The following AGTR1 variants were observed in gnomAD, a reference collection of about 807,000 sequenced individuals.
AGTR1 encodes type-1 angiotensin II receptor.
Under a neutral mutation model 19.4 loss-of-function variants are expected in AGTR1, and 16 were observed. The observed-to-expected ratio is 0.82, with a 90% CI of 0.56 to 1.25. The LOEUF (loss-of-function observed/expected upper bound fraction) is 1.25, where lower values mean the gene tolerates loss of function less well. AGTR1 is among the 50% of genes most tolerant of loss of function. AGTR1 has a pLI of 0.00. For missense variants in AGTR1, 373 were observed against 431.9 expected (o/e 0.86, Z 1.21); for synonymous variants, 153 against 154.9 (o/e 0.99, Z 0.09).
intron 2 of AGTR1, among the ~76,000 whole-genome samples, chr3:148,722,691 A>G (rs560002013): frequency 1.3e-5 from 2 of 152,324 alleles, no homozygotes; most frequent in South Asian, 2.1e-4. Flanking sequence ...ATCCGCAGTC[A>G]TCAACATGGC....
chr3:148,714,074 T>A (rs188068395), intron 2 of AGTR1, among the ~76,000 whole-genome samples: 33 of 152,342 alleles, frequency 2.2e-4, no homozygotes, highest in Admixed American at 1.6e-3. Flanking sequence ...AAGAGGATAT[T>A]AAACACTAGG....
chr3:148,718,272 T>G (rs990719941), intron 2 of AGTR1, among the ~76,000 whole-genome samples: 5 of 152,250 alleles, frequency 3.3e-5, no homozygotes, highest in African/African-American at 7.2e-5. Flanking sequence ...CAATACTCAG[T>G]AAATTACAGC....
chr3:148,710,694 A>C (rs1210345136), intron 2 of AGTR1, among the ~76,000 whole-genome samples: 1 of 152,140 alleles, frequency 6.6e-6, no homozygotes, highest in Non-Finnish European at 1.5e-5. Flanking sequence ...TACATATTAG[A>C]AGCCTTTATT....
Position 148,742,667 on chromosome 3 carries a change from G to T in AGTR1, c.*552G>T. 1 of 214,460 alleles carries T rather than the reference G, an allele frequency of 4.7e-6. No individual in the cohort carries two copies. The highest frequency in any genetic ancestry group is 1.0e-5 in the Non-Finnish European group (1 of 96,934). 13.3% of individuals were successfully genotyped at this position (214,460 alleles called of 1,614,324 possible). ...GATCTTTTTGTGAAATTCAACCTGTGTCTTATAGGTTTCCACTGCCAAAAC... is the reference window on the plus strand; with the variant it reads ...GATCTTTTTGTGAAATTCAACCTGTTTCTTATAGGTTTCCACTGCCAAAAC... On this transcript the variant is annotated 3_prime_UTR_variant, in exon 3 of 3. Transcript: ENST00000349243.
intron 2 of AGTR1, among the ~76,000 whole-genome samples, chr3:148,712,225 T>TA (rs1713027215): frequency 6.6e-6 from 1 of 152,146 alleles, no homozygotes; most frequent in Non-Finnish European, 1.5e-5. Context: ...AGTCATTTTT[T>TA]AAATCCCAGA....
At chr3:148,699,347 G>A (rs1375015720) in intron 1 of AGTR1, among the ~76,000 whole-genome samples, 1 of 152,118 alleles carries the variant, frequency 6.6e-6, no homozygotes, top group Non-Finnish European at 1.5e-5. Flanking sequence ...CATAGCATAT[G>A]CTTTAACCCC....
intron 2 of AGTR1, among the ~76,000 whole-genome samples, chr3:148,726,182 T>C (rs1713920484): frequency 6.6e-6 from 1 of 151,654 alleles, no homozygotes; most frequent in Non-Finnish European, 1.5e-5. Flanking sequence ...TCTAAGTTTC[T>C]TTTTTCCCTT....
intron 1 of AGTR1, among the ~76,000 whole-genome samples, chr3:148,701,414 T>C (rs909239349): frequency 6.6e-6 from 1 of 152,224 alleles, no homozygotes; most frequent in Non-Finnish European, 1.5e-5. Flanking sequence ...CTTTCTTGCA[T>C]ATGAAAATCA....
intron 2 of AGTR1, among the ~76,000 whole-genome samples, chr3:148,738,069 T>C (rs1714668768): frequency 6.6e-6 from 1 of 152,186 alleles, no homozygotes; most frequent in Non-Finnish European, 1.5e-5. Context: ...TAGTTATAGT[T>C]TGAGACTAGT....
intron 2 of AGTR1, among the ~76,000 whole-genome samples, chr3:148,737,475 G>C (rs1367361025): frequency 6.6e-6 from 1 of 151,686 alleles, no homozygotes; most frequent in African/African-American, 2.4e-5. Context: ...CTGATATGAT[G>C]TAACATTCGA....
chr3:148,736,719 A>G (rs996978737), intron 2 of AGTR1, among the ~76,000 whole-genome samples: 2 of 152,224 alleles, frequency 1.3e-5, no homozygotes, highest in African/African-American at 4.8e-5. Context: ...GGAGGATTCC[A>G]TTTCAAGTCT....
intron 2 of AGTR1, among the ~76,000 whole-genome samples, chr3:148,719,932 A>G (rs1713531714): frequency 6.6e-6 from 1 of 152,230 alleles, no homozygotes; most frequent in African/African-American, 2.4e-5. Flanking sequence ...AACTTCTGTT[A>G]AATTTTTAAT....
intron 1 of AGTR1, among the ~76,000 whole-genome samples, chr3:148,706,019 AT>A (rs1003792596): frequency 2.0e-5 from 3 of 151,640 alleles, no homozygotes; most frequent in East Asian, 1.9e-4. Flanking sequence ...TTTGAGGATG[AT>A]TTTTTTTCTT....
intron 2 of AGTR1, among the ~76,000 whole-genome samples, chr3:148,723,905 A>G (rs1713785448): frequency 6.6e-6 from 1 of 152,192 alleles, no homozygotes; most frequent in Admixed American, 6.5e-5. Context: ...CATTGGAATG[A>G]GGGTCTGCAA....
chr3:148,717,129 C>CA (rs3841928), intron 2 of AGTR1, among the ~76,000 whole-genome samples: 45,962 of 151,970 alleles, frequency 0.3, 10,664 homozygotes, highest in African/African-American at 0.65. Context: ...CTATTGCTCA[C>CA]ACACTTAGAC....
chr3:148,698,624 T>C (rs982037028), intron 1 of AGTR1, among the ~76,000 whole-genome samples: 1 of 152,102 alleles, frequency 6.6e-6, no homozygotes, highest in Admixed American at 6.6e-5. Context: ...CCTTTAGCTC[T>C]CTCCCTGCAA....
At chr3:148,715,448 G>GTT (rs1713245592) in intron 2 of AGTR1, among the ~76,000 whole-genome samples, 1 of 152,144 alleles carries the variant, frequency 6.6e-6, no homozygotes, top group Non-Finnish European at 1.5e-5. Context: ...CCAAGGAAAA[G>GTT]ACAAGCATCT....
At chr3:148,713,788 G>A (rs888686404) in intron 2 of AGTR1, among the ~76,000 whole-genome samples, 1 of 152,144 alleles carries the variant, frequency 6.6e-6, no homozygotes, top group Non-Finnish European at 1.5e-5. Context: ...GTTCAGACAG[G>A]GCTATGTTTT....
At chr3:148,737,026 A>T (rs1199970829) in intron 2 of AGTR1, among the ~76,000 whole-genome samples, 2 of 152,190 alleles carry the variant, frequency 1.3e-5, no homozygotes, top group African/African-American at 4.8e-5. Context: ...GCTTCAAAGA[A>T]AAAAGAGCCC....
Sources: gnomAD v4.1 joint callset for allele counts (sites outside exome capture counted in the v4.1 genomes callset) on GRCh38, gnomAD v4.1.1 for gene constraint, MANE v1.5 for transcripts, NCBI Gene and HGNC (gene_info 2026-07-23, HGNC 2026-07-21) for gene names.